ATRNL1: variants seen among roughly 807,000 people sequenced by gnomAD.
ATRNL1 encodes attractin-like protein 1.
Under a neutral mutation model 182.7 loss-of-function variants are expected in ATRNL1, and 95 were observed. The observed-to-expected ratio is 0.52, with a 90% CI of 0.44 to 0.62. ATRNL1 has a LOEUF of 0.62. Ranked by LOEUF, ATRNL1 falls within the 20% of genes least tolerant of loss-of-function variation. The probability of loss-of-function intolerance (pLI) is 0.00; values close to 1 mark genes in which losing one functional copy is unlikely to be tolerated. For synonymous variants in ATRNL1, 576 were observed against 568.3 expected (o/e 1.01, Z -0.19); for missense variants, 1,471 against 1,679.5 (o/e 0.88, Z 2.17).
At chr10:115,286,445 C>CATAATTATT in intron 15 of ATRNL1, 48 bp downstream of exon 15, 4 of 1,231,986 alleles carry the variant, frequency 3.2e-6, no homozygotes, top group Non-Finnish European at 4.3e-6. Context: ...ATGATAATTT[C>CATAATTATT]ATAATTATTT....
chr10:115,803,867 G>A (rs11197452), intron 27 of ATRNL1, among the ~76,000 whole-genome samples: 73,508 of 151,900 alleles, frequency 0.48, 18,953 homozygotes, highest in East Asian at 0.76. Context: ...CATCTCCTTG[G>A]TACTTGGGAT....
intron 5 of ATRNL1, among the ~76,000 whole-genome samples, chr10:115,146,115 A>C (rs1554879291): frequency 6.6e-6 from 1 of 152,130 alleles, no homozygotes; most frequent in Non-Finnish European, 1.5e-5. Flanking sequence ...CATTTGATAG[A>C]ATTCAGAGTT....
At chr10:115,438,927 C>T (rs1846534762) in intron 21 of ATRNL1, among the ~76,000 whole-genome samples, 1 of 151,820 alleles carries the variant, frequency 6.6e-6, no homozygotes, top group Non-Finnish European at 1.5e-5. Context: ...CGAAAATCTG[C>T]GTATATCTTT....
Position 115,450,909 on chromosome 10 carries a change from T to C in ATRNL1, c.3323-11032T>C, listed in dbSNP as rs1404437174. 2.0e-5 allele frequency among the ~76,000 whole-genome samples: 3 copies of C among 152,252 alleles called. No homozygotes were observed. The East Asian group carries it at 5.8e-4, about 29-fold the overall frequency. ...GGCTACAGTAACCAAAACAGCATGATACTGGTACAAAAACAGGCACATAGA... is the reference window on the plus strand; with the variant it reads ...GGCTACAGTAACCAAAACAGCATGACACTGGTACAAAAACAGGCACATAGA... On this transcript the variant is annotated intron_variant, in intron 21 of 28. Transcript: ENST00000355044.
intron 25 of ATRNL1, among the ~76,000 whole-genome samples, chr10:115,545,584 TAA>T (rs1852606016): frequency 6.6e-6 from 1 of 152,180 alleles, no homozygotes; most frequent in African/African-American, 2.4e-5. Flanking sequence ...AGTTGAGTCA[TAA>T]AGTTTAGATA....
chr10:115,503,948 A>T (rs1565111086), intron 24 of ATRNL1, among the ~76,000 whole-genome samples: 1 of 151,694 alleles, frequency 6.6e-6, no homozygotes, highest in Non-Finnish European at 1.5e-5. Flanking sequence ...CCTTCTTGTA[A>T]TATAACCTTT....
At chr10:115,771,482 G>A (rs941562214) in intron 27 of ATRNL1, among the ~76,000 whole-genome samples, 8 of 152,132 alleles carry the variant, frequency 5.3e-5, no homozygotes, top group Admixed American at 3.9e-4. Flanking sequence ...CGCCCGCCTA[G>A]GCCTCCCAAA....
chr10:115,101,197 A>C (rs547419926), intron 1 of ATRNL1, among the ~76,000 whole-genome samples: 1 of 151,910 alleles, frequency 6.6e-6, no homozygotes, highest in African/African-American at 2.4e-5. Context: ...TACAATCTAG[A>C]TGCCTTTTTT....
chr10:115,342,601 A>G (rs1592488252), intron 19 of ATRNL1, among the ~76,000 whole-genome samples: 1 of 152,136 alleles, frequency 6.6e-6, no homozygotes, highest in African/African-American at 2.4e-5. Flanking sequence ...TAGTCTTTCT[A>G]TGTAGGATAA....
chr10:115,508,756 G>A (rs1367668221), intron 24 of ATRNL1, among the ~76,000 whole-genome samples: 1 of 152,008 alleles, frequency 6.6e-6, no homozygotes, highest in African/African-American at 2.4e-5. Flanking sequence ...GAAGAAGGTG[G>A]TTTATGAGGT....
At chr10:115,165,502 T>TA in intron 6 of ATRNL1, 56 bp from the exon 7 acceptor site, 7 of 1,093,548 alleles carry the variant, frequency 6.4e-6, no homozygotes, top group East Asian at 2.6e-5. Context: ...ACGTGAAAAT[T>TA]AAAAAAACAA....
intron 28 of ATRNL1, among the ~76,000 whole-genome samples, chr10:115,858,126 A>G (rs1027854220): frequency 6.6e-6 from 1 of 152,230 alleles, no homozygotes; most frequent in Non-Finnish European, 1.5e-5. Flanking sequence ...TGTGAAAGAC[A>G]GTATGGTAAT....
chr10:115,933,464 G>C (rs979793782), intron 28 of ATRNL1, among the ~76,000 whole-genome samples: 1 of 143,630 alleles, frequency 7.0e-6, no homozygotes, highest in Non-Finnish European at 1.5e-5. Flanking sequence ...ACTTCACAGC[G>C]ATGCTGTGGC....
intron 28 of ATRNL1, among the ~76,000 whole-genome samples, chr10:115,913,160 G>C (rs1555116349): frequency 6.6e-6 from 1 of 152,202 alleles, no homozygotes; most frequent in African/African-American, 2.4e-5. Context: ...TGTGTCTAAA[G>C]TAATATTTTA....
At chr10:115,735,288 A>G (rs1947915275) in intron 27 of ATRNL1, among the ~76,000 whole-genome samples, 1 of 152,176 alleles carries the variant, frequency 6.6e-6, no homozygotes, top group Admixed American at 6.5e-5. Context: ...ACAATCTAAG[A>G]AATGTATTTA....
chr10:115,343,500 C>T (rs1480154089), intron 19 of ATRNL1, among the ~76,000 whole-genome samples: 1 of 152,128 alleles, frequency 6.6e-6, no homozygotes, highest in Non-Finnish European at 1.5e-5. Context: ...CTCTTTGTTA[C>T]ATTCATCTAA....
At chr10:115,152,742 C>A (rs1335843757) in intron 5 of ATRNL1, among the ~76,000 whole-genome samples, 5 of 152,088 alleles carry the variant, frequency 3.3e-5, no homozygotes, top group Non-Finnish European at 7.3e-5. Context: ...CCAGAACTTC[C>A]AACACTATGT....
chr10:115,095,152 AAGTC>A (rs1456126146), intron 1 of ATRNL1, among the ~76,000 whole-genome samples: 1 of 152,182 alleles, frequency 6.6e-6, no homozygotes, highest in African/African-American at 2.4e-5. Context: ...GTCATTAAGA[AAGTC>A]AGCTTCTTAG....
At chr10:115,629,723 C>G (rs545781208) in intron 26 of ATRNL1, among the ~76,000 whole-genome samples, 9 of 152,190 alleles carry the variant, frequency 5.9e-5, no homozygotes, top group Admixed American at 4.6e-4. Flanking sequence ...CTGTAGTCTT[C>G]CTTTTCTGTG....
Sources: gnomAD v4.1 joint callset for allele counts (sites outside exome capture counted in the v4.1 genomes callset) on GRCh38, gnomAD v4.1.1 for gene constraint, MANE v1.5 for transcripts, NCBI Gene and HGNC (gene_info 2026-07-23, HGNC 2026-07-21) for gene names.